The following CADPS variants were observed in gnomAD, a reference collection of about 807,000 sequenced individuals.
CADPS encodes calcium dependent secretion activator, also known as calcium-dependent secretion activator 1.
In CADPS, 57 loss-of-function variants were observed where a neutral mutation model predicts 167.3. That is an observed-to-expected ratio of 0.34 (90% CI 0.28 to 0.42). CADPS has a LOEUF of 0.42. CADPS is among the 20% of genes least tolerant of loss of function. The pLI, the probability that CADPS is intolerant of heterozygous loss-of-function variation, is 1.00. For synonymous variants in CADPS, 676 were observed against 635.3 expected, an observed-to-expected ratio of 1.06 and a Z score of -0.96; for missense variants, 1,414 against 1,738.1, an observed-to-expected ratio of 0.81 and a Z score of 3.32.
chr3:62,434,839 A>C lies in CADPS; in HGVS notation c.3777+3265T>G, dbSNP rs150979016. On this transcript the variant is annotated intron_variant, in intron 28 of 29. Coordinates refer to ENST00000383710, the MANE Select transcript of CADPS (RefSeq NM_003716.4). ...CAGCCTTTTCTACAAGGGCACACTC[A>C]GAAGGGCAAAAACAGGAACAATACC... Among the ~76,000 whole-genome samples, 39 of 152,330 alleles carry C rather than the reference A, an allele frequency of 2.6e-4. 1 individual carries two copies. In the East Asian group the frequency reaches 7.3e-3, roughly 29 times the overall value.
chr3:62,616,195 A>G (rs1294812733), intron 6 of CADPS, among the ~76,000 whole-genome samples: 1 of 152,174 alleles, frequency 6.6e-6, no homozygotes, highest in Non-Finnish European at 1.5e-5. Context: ...TGATAATTTC[A>G]TTTTCCATTC....
At chr3:62,413,564 C>G (rs925225441) in intron 28 of CADPS, among the ~76,000 whole-genome samples, 1 of 152,108 alleles carries the variant, frequency 6.6e-6, no homozygotes, top group Non-Finnish European at 1.5e-5. Context: ...TATGAGGTAT[C>G]TAGAACAGTC....
chr3:62,479,217 T>C (rs2061666775), intron 22 of CADPS, among the ~76,000 whole-genome samples: 1 of 152,212 alleles, frequency 6.6e-6, no homozygotes, highest in Non-Finnish European at 1.5e-5. Flanking sequence ...TGCCTTTCTA[T>C]ACGATGACGT....
chr3:62,546,294 T>C (rs1387933596), intron 11 of CADPS, among the ~76,000 whole-genome samples: 1 of 152,166 alleles, frequency 6.6e-6, no homozygotes, highest in African/African-American at 2.4e-5. Flanking sequence ...TTCATCTTTC[T>C]TGCGTGGTAG....
chr3:62,544,964 G>A lies in CADPS; in HGVS notation c.1966+4939C>T. The A allele has an allele frequency of 1.9e-6, 1 of 528,150 alleles. No homozygotes were observed. Among genetic ancestry groups the A allele is most frequent in the East Asian group, 1.1e-4 (1 of 8,954 alleles). 32.7% of individuals were successfully genotyped at this position (528,150 alleles called of 1,614,324 possible). A position where few individuals can be genotyped will look rare whatever the true frequency, so the allele number is the denominator to read the frequency against. On this transcript the variant is annotated intron_variant, in intron 11 of 29. Coordinates refer to ENST00000383710, the MANE Select transcript of CADPS (RefSeq NM_003716.4). This position sits in a 1 kb window ranked among gnomAD's most constrained non-coding sequence, Gnocchi z 4.4. Reference sequence around the variant, plus strand: ...TTCTAACCTAGCAGCCTAAGTTCTTGGGTTCGAGCAAAGATTGAACAAGAA... The same window carrying A: ...TTCTAACCTAGCAGCCTAAGTTCTTAGGTTCGAGCAAAGATTGAACAAGAA...
At chr3:62,802,688 A>G (rs996351591) in intron 1 of CADPS, among the ~76,000 whole-genome samples, 23 of 152,190 alleles carry the variant, frequency 1.5e-4, no homozygotes, top group African/African-American at 5.5e-4. Flanking sequence ...TTGAATGAAT[A>G]AACAAACACT....
At chr3:62,615,683 C>T (rs1252752267) in intron 6 of CADPS, among the ~76,000 whole-genome samples, 1 of 152,054 alleles carries the variant, frequency 6.6e-6, no homozygotes, top group African/African-American at 2.4e-5. Context: ...TATCAAGTAC[C>T]CGATGGATAC....
Position 62,670,122 on chromosome 3 carries a change from G to A in CADPS, c.889-7728C>T, listed in dbSNP as rs555965853. Among the ~76,000 whole-genome samples, 5 of 152,252 alleles carry A rather than the reference G, an allele frequency of 3.3e-5. No individual in the cohort carries two copies. In the South Asian group the frequency reaches 8.3e-4, roughly 25 times the overall value. ...AGGGCCAGATGCTTAACCTCTCGGA[G>A]CATCTACAGCTGCTGCACTAAAATA... On this transcript the variant is annotated intron_variant, in intron 3 of 29. Coordinates refer to ENST00000383710, the MANE Select transcript of CADPS (RefSeq NM_003716.4).
At chr3:62,703,480 C>T (rs1297537628) in intron 3 of CADPS, among the ~76,000 whole-genome samples, 1 of 152,134 alleles carries the variant, frequency 6.6e-6, no homozygotes, top group Non-Finnish European at 1.5e-5. Flanking sequence ...CTTCTGGGAA[C>T]GTCTGTCTAC....
At chr3:62,799,411 A>C (rs1260300819) in intron 1 of CADPS, among the ~76,000 whole-genome samples, 2 of 152,108 alleles carry the variant, frequency 1.3e-5, no homozygotes, top group South Asian at 2.1e-4. Context: ...TTCACCTATG[A>C]AACACTCTTC....
chr3:62,820,137 T>C (rs1412629033), intron 1 of CADPS, among the ~76,000 whole-genome samples: 2 of 152,052 alleles, frequency 1.3e-5, no homozygotes, highest in Admixed American at 6.5e-5. Context: ...AGCCCAATGA[T>C]CCTGAACAAG....
chr3:62,519,398 T>G (rs1401840695), intron 13 of CADPS, among the ~76,000 whole-genome samples: 1 of 152,186 alleles, frequency 6.6e-6, no homozygotes, highest in Admixed American at 6.5e-5. Context: ...TACCTCCTGT[T>G]ACGGGTTAAT....
rs563106826 is a variant in CADPS, at chr3:62,793,384, A to C, written c.442-27400T>G. The stretch of plus-strand genomic sequence containing the variant: ...TTCAGCGGTGCTGTTGACCAAATTT[A>C]TCCATGAATTGAATTAAAAATTATA... On this transcript the variant is annotated intron_variant, in intron 1 of 29. Coordinates refer to ENST00000383710, the MANE Select transcript of CADPS (RefSeq NM_003716.4). Among the ~76,000 whole-genome samples the C allele has an allele frequency of 1.9e-4, 29 of 152,248 alleles. 1 individual carries two copies. Among genetic ancestry groups the C allele is most frequent in the Admixed American group, 3.3e-4 (5 of 15,286 alleles).
At chr3:62,614,416 T>G (rs191797763) in intron 6 of CADPS, among the ~76,000 whole-genome samples, 2 of 152,310 alleles carry the variant, frequency 1.3e-5, no homozygotes, top group East Asian at 3.9e-4. Flanking sequence ...ATGATCCTTG[T>G]TGAGCATTTT....
chr3:62,864,919 T>C (rs1234574381), intron 1 of CADPS, among the ~76,000 whole-genome samples: 1 of 152,172 alleles, frequency 6.6e-6, no homozygotes, highest in African/African-American at 2.4e-5. Flanking sequence ...AGGAAGGCCA[T>C]CTAAAATGAC....
At chr3:62,503,493 T>C (rs1487763745) in intron 17 of CADPS, among the ~76,000 whole-genome samples, 1 of 152,256 alleles carries the variant, frequency 6.6e-6, no homozygotes, top group Admixed American at 6.5e-5. Context: ...CTGCAATTAA[T>C]TGCTTTGCAA....
intron 1 of CADPS, among the ~76,000 whole-genome samples, chr3:62,823,419 C>A (rs1025290322): frequency 2.6e-5 from 4 of 152,072 alleles, no homozygotes; most frequent in Admixed American, 6.5e-5. Context: ...TCATTGAGGG[C>A]AATACAAATG....
Position 62,834,824 on chromosome 3 carries a change from CA to C in CADPS, c.441+39764del, listed in dbSNP as rs368631016. Among the ~76,000 whole-genome samples the C allele has an allele frequency of 6.8e-4, 103 of 152,268 alleles. 2 individuals are homozygous for C. In the East Asian group the frequency reaches 0.018, roughly 27 times the overall value. ...AAGTGAAGAGGATGATCTAATGCTACAGTAAAGGACTTACTTGGCTTTTGGG... is the reference window on the plus strand; with the variant it reads ...AAGTGAAGAGGATGATCTAATGCTACGTAAAGGACTTACTTGGCTTTTGGG... On this transcript the variant is annotated intron_variant, in intron 1 of 29. Coordinates refer to ENST00000383710, the MANE Select transcript of CADPS (RefSeq NM_003716.4).
intron 1 of CADPS, among the ~76,000 whole-genome samples, chr3:62,853,459 A>G (rs1187909998): frequency 6.6e-6 from 1 of 151,400 alleles, no homozygotes; most frequent in African/African-American, 2.4e-5. Context: ...ACCCCTCTCT[A>G]CTAAAAATAC....
Sources: allele counts gnomAD v4.1 joint callset (sites outside exome capture counted in the v4.1 genomes callset), GRCh38; gene constraint gnomAD v4.1.1; non-coding constraint Gnocchi (gnomAD v3.1); transcripts MANE v1.5; gene names NCBI Gene and HGNC (gene_info 2026-07-23, HGNC 2026-07-21).